The following BMP6 variants were observed in gnomAD, a reference collection of about 807,000 sequenced individuals.
BMP6 encodes the protein bone morphogenetic protein 6.
In BMP6, 17 loss-of-function variants were observed where a neutral mutation model predicts 54.1. The observed-to-expected ratio is 0.31, with a 90% CI of 0.22 to 0.47. BMP6 has a LOEUF of 0.47. BMP6 is among the 20% of genes least tolerant of loss of function. The pLI is 1.00. For synonymous variants in BMP6, 328 were observed against 291.2 expected, an observed-to-expected ratio of 1.13 and a Z score of -1.28; for missense variants, 720 against 690.4, an observed-to-expected ratio of 1.04 and a Z score of -0.48.
chr6:7,785,867 G>A (rs530888751), intron 1 of BMP6, among the ~76,000 whole-genome samples: 6 of 152,166 alleles, frequency 3.9e-5, no homozygotes, highest in South Asian at 4.2e-4. Flanking sequence ...ATACAGCCAC[G>A]CTACAAGTTT....
At chr6:7,809,059 G>A (rs1581256701) in intron 1 of BMP6, among the ~76,000 whole-genome samples, 1 of 151,688 alleles carries the variant, frequency 6.6e-6, no homozygotes, top group Admixed American at 6.6e-5. Context: ...TAAAAACATA[G>A]GGGTTTGGTG....
At chr6:7,813,108 A>AAAATATAT (rs1554122651) in intron 1 of BMP6, among the ~76,000 whole-genome samples, 2 of 21,492 alleles carry the variant, frequency 9.3e-5, no homozygotes, top group Non-Finnish European at 1.5e-4. Flanking sequence ...AAAAAAAAAA[A>AAAATATAT]ATATATATAT....
chr6:7,741,858 C>G (rs1757272140), intron 1 of BMP6, among the ~76,000 whole-genome samples: 1 of 152,244 alleles, frequency 6.6e-6, no homozygotes, highest in Admixed American at 6.5e-5. Context: ...TTTGGTGAAT[C>G]ACCTTCAACA....
intron 1 of BMP6, among the ~76,000 whole-genome samples, chr6:7,811,501 A>G (rs887001830): frequency 6.6e-6 from 1 of 152,102 alleles, no homozygotes; most frequent in Admixed American, 6.5e-5. Flanking sequence ...AGTTCGGGCA[A>G]ATGTATGTTC....
chr6:7,774,624 A>G (rs938102336), intron 1 of BMP6, among the ~76,000 whole-genome samples: 1 of 151,908 alleles, frequency 6.6e-6, no homozygotes, highest in South Asian at 2.1e-4. Flanking sequence ...TTGAAGCCCC[A>G]CTTGAAGCCA....
chr6:7,813,203 ATC>A, intron 1 of BMP6, among the ~76,000 whole-genome samples: 1 of 56,412 alleles, frequency 1.8e-5, no homozygotes, highest in South Asian at 6.0e-4. Context: ...TAATTTGTAT[ATC>A]TCTGATTGTG....
chr6:7,740,853 T>C (rs1762031719), intron 1 of BMP6, among the ~76,000 whole-genome samples: 1 of 152,158 alleles, frequency 6.6e-6, no homozygotes, highest in Non-Finnish European at 1.5e-5. Flanking sequence ...CTGCAGAAGG[T>C]CTTTATAATC....
chr6:7,880,452 C>A lies in BMP6; in HGVS notation c.*109C>A. The A allele has an allele frequency of 7.1e-7, 1 of 1,413,560 alleles. No individual in the cohort carries two copies. Among genetic ancestry groups the A allele is most frequent in the Non-Finnish European group, 9.8e-7 (1 of 1,024,138 alleles). 87.6% of individuals were successfully genotyped at this position (1,413,560 alleles called of 1,614,324 possible). On this transcript the variant is annotated 3_prime_UTR_variant, in exon 7 of 7. Transcript: ENST00000283147. ...GAGGTGGGACGATGAGACTTTGAAA[C>A]TATCTCATGCCAGTGCCTTATTACC...
Position 7,866,974 on chromosome 6 carries a change from G to A in BMP6, c.1204+4476G>A, listed in dbSNP as rs531566381. On this transcript the variant is annotated intron_variant, in intron 4 of 6. Coordinates refer to ENST00000283147, the MANE Select transcript of BMP6 (RefSeq NM_001718.6). ...CAACCTCCTCCTCCCGGGTTCAAGCGATTCTCCTGCCTCAGCCTCCCAAGT... is the reference window on the plus strand; with the variant it reads ...CAACCTCCTCCTCCCGGGTTCAAGCAATTCTCCTGCCTCAGCCTCCCAAGT... Among the ~76,000 whole-genome samples, 8 of 152,264 alleles carry A rather than the reference G, an allele frequency of 5.3e-5. 2 individuals are homozygous for A. Among genetic ancestry groups the A allele is most frequent in the African/African-American group, 1.9e-4 (8 of 41,536 alleles).
At chr6:7,856,311 G>A (rs932854629) in intron 2 of BMP6, among the ~76,000 whole-genome samples, 3 of 151,804 alleles carry the variant, frequency 2.0e-5, no homozygotes, top group Non-Finnish European at 2.9e-5. Context: ...TGTACTTTAC[G>A]TAAGGAAAAA....
chr6:7,816,778 T>C (rs1758534287), intron 1 of BMP6, among the ~76,000 whole-genome samples: 1 of 152,174 alleles, frequency 6.6e-6, no homozygotes, highest in South Asian at 2.1e-4. Context: ...ATGTCAGTTT[T>C]CCCTTGGAGG....
At chr6:7,862,137 C>T (rs1231554346) in intron 3 of BMP6, among the ~76,000 whole-genome samples, 164 bp from the exon 4 acceptor site, 1 of 152,206 alleles carries the variant, frequency 6.6e-6, no homozygotes, top group Non-Finnish European at 1.5e-5. Flanking sequence ...CAAAAGATGC[C>T]ATCCCATGGG....
In BMP6 at chr6:7,825,985, T is replaced by C. The variant is rs79742024; in HGVS notation, c.665-19155T>C. ...TTCCGTCCACCACAGTGGCCAATAT[T>C]TCCTTTTCCTACCTTGGCCCTGCCT... On this transcript the variant is annotated intron_variant, in intron 1 of 6. Transcript: ENST00000283147. Among the ~76,000 whole-genome samples, 1,260 of 152,268 alleles carry C rather than the reference T, an allele frequency of 8.3e-3. 24 individuals are homozygous for C. The highest frequency in any genetic ancestry group is 0.029 in the African/African-American group (1,219 of 41,550).
In BMP6 at chr6:7,726,377, C is replaced by G. The variant is rs1445316129; in HGVS notation, c.-579C>G. Among the ~76,000 whole-genome samples, 1 of 152,228 alleles carries G rather than the reference C, an allele frequency of 6.6e-6. No individual in the cohort carries two copies. Among genetic ancestry groups the G allele is most frequent in the Non-Finnish European group, 1.5e-5 (1 of 68,042 alleles). On this transcript the variant is annotated 5_prime_UTR_variant, in exon 1 of 7. Coordinates refer to ENST00000283147, the MANE Select transcript of BMP6 (RefSeq NM_001718.6). ...TTCGTGAGCGAGAAGGAAGTTAAACCTCGCGGAATAGACTGGCATTTCGGG... is the reference window on the plus strand; with the variant it reads ...TTCGTGAGCGAGAAGGAAGTTAAACGTCGCGGAATAGACTGGCATTTCGGG...
At chr6:7,739,503 T>C (rs1195365539) in intron 1 of BMP6, among the ~76,000 whole-genome samples, 2 of 152,198 alleles carry the variant, frequency 1.3e-5, no homozygotes, top group Non-Finnish European at 2.9e-5. Context: ...GGCAAATACT[T>C]ACACTTTTAC....
At chr6:7,771,018 C>T (rs944876407) in intron 1 of BMP6, among the ~76,000 whole-genome samples, 2 of 152,136 alleles carry the variant, frequency 1.3e-5, no homozygotes, top group Non-Finnish European at 2.9e-5. Context: ...TTCCTTGGCT[C>T]GTTGGAAATT....
chr6:7,751,209 C>T (rs1757418064), intron 1 of BMP6, among the ~76,000 whole-genome samples: 1 of 152,208 alleles, frequency 6.6e-6, no homozygotes, highest in Admixed American at 6.5e-5. Context: ...GCCAGTTGCT[C>T]TGCCAAATTG....
chr6:7,795,839 C>G (rs1250217002), intron 1 of BMP6, among the ~76,000 whole-genome samples: 2 of 151,960 alleles, frequency 1.3e-5, no homozygotes, highest in African/African-American at 4.8e-5. Flanking sequence ...GAAGGTGACT[C>G]CTGGGCACCC....
chr6:7,735,108 G>A (rs1203721199), intron 1 of BMP6, among the ~76,000 whole-genome samples: 2 of 152,208 alleles, frequency 1.3e-5, no homozygotes, highest in Admixed American at 1.3e-4. Flanking sequence ...GCAGAAAACA[G>A]TGCCCCTCGG....
Sources: gnomAD v4.1 joint callset for allele counts (sites outside exome capture counted in the v4.1 genomes callset) on GRCh38, gnomAD v4.1.1 for gene constraint, MANE v1.5 for transcripts, NCBI Gene and HGNC (gene_info 2026-07-23, HGNC 2026-07-21) for gene names.